Variants in WAC observed in about 807,000 individuals in gnomAD.
WAC encodes the protein WW domain containing adaptor with coiled-coil, also known as WW domain-containing adapter protein with coiled-coil.
In WAC, 11 loss-of-function variants were observed where a neutral mutation model predicts 79.6. The observed-to-expected ratio is 0.14, with a 90% CI of 0.09 to 0.23. The LOEUF (loss-of-function observed/expected upper bound fraction) is 0.23. WAC is among the 10% of genes least tolerant of loss of function. WAC has a pLI of 1.00. For missense variants in WAC, 728 were observed against 773.5 expected (o/e 0.94, Z 0.70); for synonymous variants, 304 against 276.9 (o/e 1.10, Z -0.97).
intron 3 of WAC, among the ~76,000 whole-genome samples, chr10:28,557,109 A>C (rs539365684): frequency 6.6e-6 from 1 of 151,292 alleles, no homozygotes; most frequent in African/African-American, 2.4e-5. Flanking sequence ...TTTGATAGGT[A>C]TAAGTCACGG....
intron 3 of WAC, among the ~76,000 whole-genome samples, chr10:28,562,282 C>T (rs1053718533): frequency 4.6e-5 from 7 of 152,110 alleles, no homozygotes; most frequent in African/African-American, 1.4e-4. Context: ...GTCTCGAACT[C>T]TGACCTCAAG....
chr10:28,606,759 ATTTAC>A (rs1301820888), intron 7 of WAC, among the ~76,000 whole-genome samples: 1 of 152,164 alleles, frequency 6.6e-6, no homozygotes, highest in Non-Finnish European at 1.5e-5. Flanking sequence ...TTTTCTCCTG[ATTTAC>A]ATATATCTGA....
rs114380959 is a variant in WAC, at chr10:28,590,549, G to A, written c.498-171G>A. ...TATAATTTTGCCATTAGTGAGACAT[G>A]TTAGTGTTCTGTTTGCTACGTTCCA... On this transcript the variant is annotated intron_variant, in intron 5 of 13. Transcript: ENST00000354911. 2.1e-3 allele frequency among the ~76,000 whole-genome samples: 322 copies of A among 152,262 alleles called. 1 individual carries two copies. The highest frequency in any genetic ancestry group is 7.5e-3 in the African/African-American group (312 of 41,552).
At chr10:28,590,311 CAAAAA>C (rs34562281) in intron 5 of WAC, among the ~76,000 whole-genome samples, 23 of 103,342 alleles carry the variant, frequency 2.2e-4, no homozygotes, top group East Asian at 2.8e-4. Flanking sequence ...GATGCTATCT[CAAAAA>C]AAAAAAAAAA....
At chr10:28,583,377 C>T (rs1306162425) in intron 3 of WAC, 22 bp from the exon 4 acceptor site, 2 of 1,525,896 alleles carry the variant, frequency 1.3e-6, no homozygotes, top group Non-Finnish European at 1.8e-6. Flanking sequence ...TTGTAATTCA[C>T]TTTGTTCTTT....
At chr10:28,575,026 G>A (rs332142) in intron 3 of WAC, among the ~76,000 whole-genome samples, 127,285 of 152,214 alleles carry the variant, frequency 0.84, 53,345 homozygotes, top group East Asian at 0.94. Flanking sequence ...TTGATGTTCT[G>A]TTTAACCCAG....
In WAC at chr10:28,621,732, T is replaced by C. The variant is rs1564426615; in HGVS notation, c.*2126T>C. On this transcript the variant is annotated 3_prime_UTR_variant, in exon 14 of 14. Transcript: ENST00000354911. Reference sequence around the variant, plus strand: ...AATGTTTCCTGATCAGATGGCAATTTGTGATTTAGGTAAATTTGAATTTGA... The same window carrying C: ...AATGTTTCCTGATCAGATGGCAATTCGTGATTTAGGTAAATTTGAATTTGA... 6.6e-6 allele frequency: 1 copy of C among 152,224 alleles called. No homozygotes were observed. The highest frequency in any genetic ancestry group is 6.5e-5 in the Admixed American group (1 of 15,286). The allele number at this position is 152,224 out of a possible 1,614,324, so 9.4% of individuals were successfully genotyped here.
At chr10:28,544,084 T>C (rs1935805530) in intron 3 of WAC, among the ~76,000 whole-genome samples, 1 of 152,224 alleles carries the variant, frequency 6.6e-6, no homozygotes, top group African/African-American at 2.4e-5. Context: ...GGTTTTGTCA[T>C]GTTGGCCAGG....
intron 3 of WAC, among the ~76,000 whole-genome samples, chr10:28,539,974 A>G (rs1290671432): frequency 2.0e-5 from 3 of 152,220 alleles, no homozygotes; most frequent in Non-Finnish European, 4.4e-5. Context: ...AGGAATTAGT[A>G]GGGATTATTT....
intron 3 of WAC, among the ~76,000 whole-genome samples, chr10:28,573,554 C>T (rs1305505320): frequency 6.6e-6 from 1 of 152,172 alleles, no homozygotes; most frequent in Non-Finnish European, 1.5e-5. Context: ...AATGTCAGTA[C>T]AGCTTATTCC....
chr10:28,546,534 G>A (rs2772435), intron 3 of WAC, among the ~76,000 whole-genome samples: 127,338 of 152,224 alleles, frequency 0.84, 53,383 homozygotes, highest in East Asian at 0.94. Context: ...TAATATGCAC[G>A]GATACCTGAA....
At position 28,612,083 on chromosome 10, in the gene WAC, A is replaced by C. The variant is rs77852998; in HGVS notation, c.1437+161A>C. Among the ~76,000 whole-genome samples the C allele has an allele frequency of 0.01, 1,574 of 152,304 alleles. 60 individuals are homozygous for C. In the East Asian group the frequency reaches 0.11, roughly 11 times the overall value. ...GATGCAGCCTAGAATTTCTCAGTTC[A>C]CTGAGGGATAGAGGGGGGCTTTGAA... On this transcript the variant is annotated intron_variant, in intron 10 of 13. Transcript: ENST00000354911.
intron 3 of WAC, among the ~76,000 whole-genome samples, chr10:28,536,759 C>A (rs535301985): frequency 6.6e-6 from 1 of 152,186 alleles, no homozygotes; most frequent in Admixed American, 6.5e-5. Context: ...CTTAATTTGC[C>A]CGAATTACAT....
Position 28,533,167 on chromosome 10 carries a change from G to A in WAC, c.-413G>A. The A allele has an allele frequency of 5.9e-6, 1 of 170,532 alleles. No homozygotes were observed. The highest frequency in any genetic ancestry group is 1.1e-4 in the South Asian group (1 of 8,902). The allele number at this position is 170,532 out of a possible 1,614,324, so 10.6% of individuals were successfully genotyped here. On this transcript the variant is annotated 5_prime_UTR_variant, in exon 1 of 14. Transcript: ENST00000354911. The stretch of plus-strand genomic sequence containing the variant: ...AGCGGCAGCGGCGGCACCAGCGGCG[G>A]CGGCGGCGGCGGGAGGAGGAGGAGG...
chr10:28,584,297 C>A (rs1158456026), intron 4 of WAC, among the ~76,000 whole-genome samples: 1 of 152,146 alleles, frequency 6.6e-6, no homozygotes, highest in Non-Finnish European at 1.5e-5. Flanking sequence ...GAGCTCTGGA[C>A]TTCATAGCAT....
At chr10:28,598,665 T>G (rs1347912207) in intron 7 of WAC, among the ~76,000 whole-genome samples, 1 of 152,184 alleles carries the variant, frequency 6.6e-6, no homozygotes, top group Non-Finnish European at 1.5e-5. Context: ...AATTCAAACG[T>G]GTGGTGTTAG....
At chr10:28,600,759 A>G (rs562517279) in intron 7 of WAC, among the ~76,000 whole-genome samples, 151 of 152,304 alleles carry the variant, frequency 9.9e-4, no homozygotes, top group African/African-American at 3.4e-3. Context: ...AAAAAGTACA[A>G]TAAACAAAGG....
chr10:28,570,483 T>A (rs538455952), intron 3 of WAC, among the ~76,000 whole-genome samples: 32 of 152,350 alleles, frequency 2.1e-4, no homozygotes, highest in Non-Finnish European at 2.9e-4. Context: ...CCAGAGGGTC[T>A]AAGAACAGAC....
intron 3 of WAC, among the ~76,000 whole-genome samples, chr10:28,574,228 A>G (rs1589179694): frequency 6.6e-6 from 1 of 150,510 alleles, no homozygotes; most frequent in Non-Finnish European, 1.5e-5. Context: ...GCTCACTACA[A>G]CCTCCGCCTC....
Sources: allele counts gnomAD v4.1 joint callset (sites outside exome capture counted in the v4.1 genomes callset), GRCh38; gene constraint gnomAD v4.1.1; transcripts MANE v1.5; gene names NCBI Gene and HGNC (gene_info 2026-07-23, HGNC 2026-07-21).